The following CMIP variants were observed in gnomAD, a reference collection of about 807,000 sequenced individuals.
The protein encoded by CMIP is c-Maf inducing protein.
CMIP carries 13 observed loss-of-function variants against 97.3 expected under a neutral mutation model. The observed-to-expected ratio is 0.13, with a 90% CI of 0.09 to 0.21. CMIP has a LOEUF of 0.21. Among genes scored for constraint, CMIP ranks in the 10% least tolerant of loss-of-function variants. The pLI is 1.00. For synonymous variants in CMIP, 538 were observed against 436.3 expected (o/e 1.23, Z -2.91); for missense variants, 847 against 1,024.9 (o/e 0.83, Z 2.37).
At chr16:81,707,337 A>G (rs1331404117) in intron 20 of CMIP, among the ~76,000 whole-genome samples, 3 of 152,192 alleles carry the variant, frequency 2.0e-5, no homozygotes, top group Non-Finnish European at 4.4e-5. Flanking sequence ...AGGAGCTGAG[A>G]CCCAAAACAT....
chr16:81,618,604 C>T (rs2091952512), intron 2 of CMIP: 1 of 152,328 alleles, frequency 6.6e-6, no homozygotes, highest in South Asian at 2.1e-4. Flanking sequence ...CAGCTTGCAC[C>T]TGCCCACCAG....
At chr16:81,587,663 G>A (rs188206684) in intron 1 of CMIP, among the ~76,000 whole-genome samples, 11 of 152,314 alleles carry the variant, frequency 7.2e-5, no homozygotes, top group African/African-American at 1.2e-4. Flanking sequence ...AATCTCAGCC[G>A]TCTCTGCTCC....
intron 1 of CMIP, among the ~76,000 whole-genome samples, chr16:81,515,927 C>T (rs965560542): frequency 6.6e-6 from 1 of 152,196 alleles, no homozygotes; most frequent in Non-Finnish European, 1.5e-5. Flanking sequence ...GCAACTCCTC[C>T]GTGGCTCCAG....
intron 3 of CMIP, among the ~76,000 whole-genome samples, chr16:81,626,549 A>G (rs575454473): frequency 1.2e-4 from 13 of 110,698 alleles, no homozygotes; most frequent in Non-Finnish European, 2.2e-4. Context: ...ATGGGTGTGC[A>G]TGTGTGTGTG....
chr16:81,564,220 G>C (rs192849281), intron 1 of CMIP, among the ~76,000 whole-genome samples: 1 of 152,190 alleles, frequency 6.6e-6, no homozygotes, highest in Admixed American at 6.5e-5. Context: ...TGGGCACCCG[G>C]GGGTGGGGTG....
At chr16:81,545,574 C>T (rs2090530393) in intron 1 of CMIP, among the ~76,000 whole-genome samples, 1 of 152,164 alleles carries the variant, frequency 6.6e-6, no homozygotes, top group African/African-American at 2.4e-5. Flanking sequence ...CCTCCATCTA[C>T]AGATGGAAGC....
Position 81,691,798 on chromosome 16 carries a change from C to A in CMIP, c.1412C>A (p.Pro471Gln). ...AGGTCAGACTATGATGACTGGAGAC[C>A]GTCTCTGGCCAGTTTGCTTCAACCC... ...KLLSDYDDWR[P>Q]SLASLLQPIP... Residue 471 changes from proline (P) to glutamine (Q), a missense_variant, in exon 11 of 21, where the codon CCG (proline) becomes CAG (glutamine). Transcript: ENST00000537098. 6.2e-7 allele frequency: 1 copy of A among 1,613,858 alleles called. No homozygotes were observed. The highest frequency in any genetic ancestry group is 8.5e-7 in the Non-Finnish European group (1 of 1,179,808).
chr16:81,660,844 TCTAC>T, intron 5 of CMIP, 36 bp from the exon 6 acceptor site: 1 of 1,611,694 alleles, frequency 6.2e-7, no homozygotes, highest in African/African-American at 1.3e-5. Context: ...TCCGTGGCTA[TCTAC>T]CCCACGGTTC....
chr16:81,604,693 C>T (rs1454470326), intron 1 of CMIP, among the ~76,000 whole-genome samples: 2 of 152,142 alleles, frequency 1.3e-5, no homozygotes, highest in Non-Finnish European at 2.9e-5. Context: ...GAGCAAGACT[C>T]CGTCTCAAAC....
rs1032434099 is a variant in CMIP at position 81,453,026 on chromosome 16, C to T, written c.300+7485C>T. On this transcript the variant is annotated intron_variant, in intron 1 of 20. Transcript: ENST00000537098. This position sits in a 1 kb window ranked among gnomAD's most constrained non-coding sequence, Gnocchi z 4.0. Reference sequence around the variant, plus strand: ...ACGCAACTCCCTTTGTCCATAACTACACTCTAAGGATCCTAGGATCTAGAA... The same window carrying T: ...ACGCAACTCCCTTTGTCCATAACTATACTCTAAGGATCCTAGGATCTAGAA... Among the ~76,000 whole-genome samples, 5 of 151,904 alleles carry T rather than the reference C, an allele frequency of 3.3e-5. No individual in the cohort carries two copies. The highest frequency in any genetic ancestry group is 6.6e-5 in the Admixed American group (1 of 15,238).
chr16:81,635,101 T>A (rs934806545), intron 3 of CMIP, among the ~76,000 whole-genome samples: 7 of 152,300 alleles, frequency 4.6e-5, no homozygotes, highest in African/African-American at 1.7e-4. Flanking sequence ...AGTATTTGCA[T>A]TTTTTTATTT....
intron 10 of CMIP, among the ~76,000 whole-genome samples, chr16:81,682,284 G>T (rs1241048704): frequency 6.6e-6 from 1 of 152,106 alleles, no homozygotes; most frequent in Non-Finnish European, 1.5e-5. Flanking sequence ...AAAAGAAGCA[G>T]CCAGGCTCGG....
chr16:81,558,060 T>C (rs1172298233), intron 1 of CMIP, among the ~76,000 whole-genome samples: 1 of 152,224 alleles, frequency 6.6e-6, no homozygotes, highest in Non-Finnish European at 1.5e-5. Flanking sequence ...TCCTTTGTGG[T>C]TGGCTTATTT....
chr16:81,463,938 C>T (rs1007153260), intron 1 of CMIP: 10 of 152,242 alleles, frequency 6.6e-5, no homozygotes, highest in African/African-American at 2.4e-4. Flanking sequence ...ACAAGGCAGG[C>T]CTTGGAGAGT....
intron 3 of CMIP, among the ~76,000 whole-genome samples, chr16:81,622,738 C>A (rs1434608036): frequency 6.6e-6 from 1 of 152,196 alleles, no homozygotes; most frequent in African/African-American, 2.4e-5. Context: ...TTCTGCCTTT[C>A]CCTGGTCCAC....
chr16:81,707,752 G>A (rs903334590), intron 20 of CMIP, among the ~76,000 whole-genome samples: 2 of 152,326 alleles, frequency 1.3e-5, no homozygotes, highest in South Asian at 2.1e-4. Context: ...GCCCTCAGTC[G>A]CCTCCTGTCA....
intron 3 of CMIP, chr16:81,645,259 A>G (rs1208990106): frequency 7.1e-6 from 5 of 708,118 alleles, no homozygotes; most frequent in Non-Finnish European, 9.8e-6. Flanking sequence ...CCTGGCTCAT[A>G]TTTCCCTGTG....
At chr16:81,692,331 G>A (rs1282960901) in intron 11 of CMIP, among the ~76,000 whole-genome samples, 1 of 152,154 alleles carries the variant, frequency 6.6e-6, no homozygotes, top group African/African-American at 2.4e-5. Context: ...AGCAAACCTG[G>A]CCAGAAACAG....
Position 81,614,365 on chromosome 16 carries a change from G to A in CMIP, c.427-6511G>A, listed in dbSNP as rs1444243689. On this transcript the variant is annotated intron_variant, in intron 2 of 20. Coordinates refer to ENST00000537098, the MANE Select transcript of CMIP (RefSeq NM_198390.3). This position sits in a 1 kb window ranked among gnomAD's most constrained non-coding sequence, Gnocchi z 5.3. Reference sequence around the variant, plus strand: ...CCAGTGGGGGAAGGGAGTGTGCCAAGCGGTGCACGGGTTCTCAGGGGCTCC... The same window carrying A: ...CCAGTGGGGGAAGGGAGTGTGCCAAACGGTGCACGGGTTCTCAGGGGCTCC... 6.6e-6 allele frequency among the ~76,000 whole-genome samples: 1 copy of A among 152,230 alleles called. No homozygotes were observed. Among genetic ancestry groups the A allele is most frequent in the Non-Finnish European group, 1.5e-5 (1 of 68,044 alleles).
Sources: gnomAD v4.1 joint callset for allele counts (sites outside exome capture counted in the v4.1 genomes callset) on GRCh38, gnomAD v4.1.1 for gene constraint, Gnocchi (gnomAD v3.1) non-coding constraint, MANE v1.5 for transcripts, NCBI Gene and HGNC (gene_info 2026-07-23, HGNC 2026-07-21) for gene names.